Variants in SKA2 observed in about 807,000 individuals in gnomAD.
The protein encoded by SKA2 is spindle and kinetochore-associated protein 2.
In SKA2, 13 loss-of-function variants were observed where a neutral mutation model predicts 16.9. The ratio of observed to expected loss-of-function variants is 0.77; its 90% CI spans 0.50 to 1.22. The LOEUF is 1.22. Ranked by LOEUF, SKA2 falls within the 50% of genes most tolerant of loss-of-function variation. The pLI, the probability that SKA2 is intolerant of heterozygous loss-of-function variation, is 0.00. For synonymous variants in SKA2, 47 were observed against 48.5 expected (o/e 0.97, Z 0.13); for missense variants, 107 against 139.7 (o/e 0.77, Z 1.18).
intron 3 of SKA2, among the ~76,000 whole-genome samples, chr17:59,117,340 TAA>T (rs1026348831): frequency 9.2e-5 from 14 of 152,178 alleles, no homozygotes; most frequent in Admixed American, 4.6e-4. Flanking sequence ...CTCAGAAGAT[TAA>T]GTTTCATATC....
chr17:59,116,916 C>G (rs2046300570), intron 3 of SKA2, among the ~76,000 whole-genome samples: 1 of 144,100 alleles, frequency 6.9e-6, no homozygotes, highest in Non-Finnish European at 1.5e-5. Context: ...CTCCCAGGTT[C>G]AAGCGATTCC....
At chr17:59,129,688 T>C (rs1185668255) in intron 2 of SKA2, among the ~76,000 whole-genome samples, 1 of 151,696 alleles carries the variant, frequency 6.6e-6, no homozygotes, top group Non-Finnish European at 1.5e-5. Context: ...ACCCCATCTC[T>C]ACTAAAAAAT....
intron 1 of SKA2, among the ~76,000 whole-genome samples, chr17:59,144,703 A>C (rs1161258441): frequency 1.3e-5 from 2 of 152,228 alleles, no homozygotes; most frequent in East Asian, 3.8e-4. Flanking sequence ...CATTTAAATG[A>C]GGTATTTAGA....
chr17:59,143,654 G>A (rs1311384926), intron 1 of SKA2, among the ~76,000 whole-genome samples: 3 of 151,918 alleles, frequency 2.0e-5, no homozygotes, highest in South Asian at 2.1e-4. Context: ...GAATACAGGC[G>A]TGAGCCACTG....
chr17:59,139,414 A>G (rs929606987), intron 1 of SKA2, among the ~76,000 whole-genome samples: 4 of 151,134 alleles, frequency 2.6e-5, no homozygotes, highest in Non-Finnish European at 5.9e-5. Context: ...AAAAAAAAAA[A>G]AAAAGAAATG....
At chr17:59,126,762 TG>T (rs1352950130) in intron 2 of SKA2, among the ~76,000 whole-genome samples, 6 of 152,208 alleles carry the variant, frequency 3.9e-5, no homozygotes, top group Non-Finnish European at 2.9e-5. Context: ...ATTGCACTTC[TG>T]GGTATAAACC....
rs1298051140 is a variant in SKA2, at chr17:59,109,876, TATAATC to T, written c.*2395_*2400del. The T allele has an allele frequency of 1.3e-5, 2 of 152,316 alleles. No individual in the cohort carries two copies. The highest frequency in any genetic ancestry group is 3.9e-4 in the East Asian group (2 of 5,190). The allele number at this position is 152,316 out of a possible 1,614,324, so 9.4% of individuals were successfully genotyped here. A position where few individuals can be genotyped will look rare whatever the true frequency, so the allele number is the denominator to read the frequency against. ...CTATAGTCACATAGGAGAAAACAAT[TATAATC>T]CAAATGAGAAACAAAAGATCTAAAT... On this transcript the variant is annotated 3_prime_UTR_variant, in exon 4 of 4. Coordinates refer to ENST00000330137, the MANE Select transcript of SKA2 (RefSeq NM_182620.4).
At chr17:59,150,750 A>G (rs2046571364) in intron 1 of SKA2, among the ~76,000 whole-genome samples, 1 of 152,176 alleles carries the variant, frequency 6.6e-6, no homozygotes. Context: ...TCTGGAGAAA[A>G]AAAAATGACT....
intron 1 of SKA2, among the ~76,000 whole-genome samples, chr17:59,135,310 C>A (rs1200954818): frequency 1.6e-5 from 2 of 126,130 alleles, no homozygotes; most frequent in African/African-American, 5.7e-5. Flanking sequence ...ACTAAACTGT[C>A]TTTTTTTTTT....
In SKA2 at chr17:59,135,690, G is replaced by A. The variant is rs577808379; in HGVS notation, c.34-4323C>T. On this transcript the variant is annotated intron_variant, in intron 1 of 3. Transcript: ENST00000330137. Reference sequence around the variant, plus strand: ...ACAAATTAAATTATATAAATTAGCCGGACACGGTGGCTGAAAAAAATATTT... The same window carrying A: ...ACAAATTAAATTATATAAATTAGCCAGACACGGTGGCTGAAAAAAATATTT... Among the ~76,000 whole-genome samples the A allele has an allele frequency of 1.5e-3, 232 of 150,138 alleles. 1 individual carries two copies. Among genetic ancestry groups the A allele is most frequent in the Non-Finnish European group, 2.2e-3 (150 of 67,700 alleles).
intron 1 of SKA2, chr17:59,137,869 C>T (rs1215469339): frequency 2.0e-6 from 1 of 500,196 alleles, no homozygotes; most frequent in Non-Finnish European, 4.0e-6. Flanking sequence ...TGGTGATAAA[C>T]AGAATTTTTT....
intron 1 of SKA2, chr17:59,150,993 A>AG (rs199689083): frequency 1.7e-5 from 6 of 354,218 alleles, no homozygotes; most frequent in Admixed American, 9.0e-5. Flanking sequence ...ATTAGTTAAA[A>AG]GGTTTTTTTT....
At chr17:59,136,799 G>A (rs560817559) in intron 1 of SKA2, among the ~76,000 whole-genome samples, 58 of 151,902 alleles carry the variant, frequency 3.8e-4, no homozygotes, top group Non-Finnish European at 7.1e-4. Flanking sequence ...CGCCCTCCTC[G>A]GCCTCCAAAA....
intron 1 of SKA2, among the ~76,000 whole-genome samples, chr17:59,154,183 A>G (rs564926498): frequency 1.5e-4 from 23 of 151,582 alleles, no homozygotes; most frequent in South Asian, 1.2e-3. Flanking sequence ...AAAAAAAAAA[A>G]AAAAGAAAAG....
chr17:59,137,782 C>T (rs756259958), intron 1 of SKA2: 1 of 530,192 alleles, frequency 1.9e-6, no homozygotes, highest in South Asian at 1.4e-5. Flanking sequence ...TTTCCAAACA[C>T]CAAAACCCTA....
At chr17:59,124,010 A>G (rs1431382167) in intron 2 of SKA2, among the ~76,000 whole-genome samples, 1 of 152,260 alleles carries the variant, frequency 6.6e-6, no homozygotes, top group Non-Finnish European at 1.5e-5. Context: ...ATTTAGAAAT[A>G]TAAAGGAAAT....
rs887770751 is a variant in SKA2, at chr17:59,110,711, C to T, written c.*1566G>A. ...AGGGTGGGGCAGAGAACTGCTTGAACCTGGGAGGTGGAGGTTGCAGTGAGC... is the reference window on the plus strand; with the variant it reads ...AGGGTGGGGCAGAGAACTGCTTGAATCTGGGAGGTGGAGGTTGCAGTGAGC... On this transcript the variant is annotated 3_prime_UTR_variant, in exon 4 of 4. Transcript: ENST00000330137. The T allele has an allele frequency of 6.7e-6, 1 of 150,122 alleles. No homozygotes were observed. Among genetic ancestry groups the T allele is most frequent in the African/African-American group, 2.5e-5 (1 of 40,634 alleles). 9.3% of individuals were successfully genotyped at this position (150,122 alleles called of 1,614,324 possible).
intron 1 of SKA2, among the ~76,000 whole-genome samples, chr17:59,151,503 A>C (rs2046577383): frequency 6.6e-6 from 1 of 152,192 alleles, no homozygotes; most frequent in Non-Finnish European, 1.5e-5. Context: ...GGTATTGTTA[A>C]TACTTTAGGA....
chr17:59,153,300 T>G (rs1316478270), intron 1 of SKA2, among the ~76,000 whole-genome samples: 1 of 152,168 alleles, frequency 6.6e-6, no homozygotes, highest in African/African-American at 2.4e-5. Flanking sequence ...GTTGACAGAA[T>G]CAAATTACAA....
Sources: allele counts gnomAD v4.1 joint callset (sites outside exome capture counted in the v4.1 genomes callset), GRCh38; gene constraint gnomAD v4.1.1; transcripts MANE v1.5; gene names NCBI Gene and HGNC (gene_info 2026-07-23, HGNC 2026-07-21).